Variants in TCF7L1 observed in about 807,000 individuals in gnomAD.
The protein encoded by TCF7L1 is transcription factor 7-like 1.
In TCF7L1, 18 loss-of-function variants were observed where a neutral mutation model predicts 63.7. That is an observed-to-expected ratio of 0.28 (90% CI 0.20 to 0.42). The LOEUF (loss-of-function observed/expected upper bound fraction) is 0.42, where lower values mean the gene tolerates loss of function less well. TCF7L1 is among the 10% of genes least tolerant of loss of function. The pLI is 1.00. For synonymous variants in TCF7L1, 355 were observed against 340.9 expected (o/e 1.04, Z -0.46); for missense variants, 654 against 779.3 (o/e 0.84, Z 1.91).
chr2:85,270,418 A>G (rs1181031909), intron 3 of TCF7L1, among the ~76,000 whole-genome samples: 5 of 152,164 alleles, frequency 3.3e-5, no homozygotes, highest in African/African-American at 1.2e-4. Flanking sequence ...AGATGCTTCT[A>G]TGACCTGGTT....
At chr2:85,154,963 C>T (rs985606132) in intron 3 of TCF7L1, among the ~76,000 whole-genome samples, 3 of 152,116 alleles carry the variant, frequency 2.0e-5, no homozygotes, top group Non-Finnish European at 4.4e-5. Context: ...ACTACAGGTG[C>T]GTGCCACCAT....
chr2:85,135,352 G>A (rs1174473929), intron 3 of TCF7L1, among the ~76,000 whole-genome samples: 3 of 152,156 alleles, frequency 2.0e-5, no homozygotes, highest in Non-Finnish European at 4.4e-5. Flanking sequence ...CAGATGTTGG[G>A]TGAACGCCTA....
chr2:85,140,020 T>G (rs1677686270), intron 3 of TCF7L1, among the ~76,000 whole-genome samples: 1 of 152,086 alleles, frequency 6.6e-6, no homozygotes, highest in Non-Finnish European at 1.5e-5. Context: ...TGAAAAGGGC[T>G]TCAGAGTAGC....
At chr2:85,153,619 G>A (rs1477485645) in intron 3 of TCF7L1, among the ~76,000 whole-genome samples, 4 of 151,960 alleles carry the variant, frequency 2.6e-5, no homozygotes, top group African/African-American at 9.7e-5. Context: ...GGGATTACAG[G>A]CGTGAGCCAC....
At chr2:85,162,852 T>C (rs72932658) in intron 3 of TCF7L1, among the ~76,000 whole-genome samples, 15,162 of 152,116 alleles carry the variant, frequency 0.1, 1,308 homozygotes, top group African/African-American at 0.24. Flanking sequence ...ACTGAATTGA[T>C]GTTTTAGTGA....
In TCF7L1 at chr2:85,305,147, T is replaced by C. The variant is rs182563296; in HGVS notation, c.846-113T>C. On this transcript the variant is annotated intron_variant, in intron 7 of 11. Coordinates refer to ENST00000282111, the MANE Select transcript of TCF7L1 (RefSeq NM_031283.3). Reference sequence around the variant, plus strand: ...AAATAGCCTTCTAGTCCTGAGACTCTGCCCCACGGACATGCCTGTGCCCTT... The same window carrying C: ...AAATAGCCTTCTAGTCCTGAGACTCCGCCCCACGGACATGCCTGTGCCCTT... 2.5e-4 allele frequency: 351 copies of C among 1,424,976 alleles called. 1 individual carries two copies. The African/African-American group carries it at 4.1e-3, about 16-fold the overall frequency. 88.3% of individuals were successfully genotyped at this position (1,424,976 alleles called of 1,614,324 possible). A position where few individuals can be genotyped will look rare whatever the true frequency, so the allele number is the denominator to read the frequency against.
chr2:85,270,570 C>A (rs1182455943), intron 3 of TCF7L1, among the ~76,000 whole-genome samples: 2 of 152,138 alleles, frequency 1.3e-5, no homozygotes, highest in East Asian at 1.9e-4. Context: ...GAGGTCTTAC[C>A]CACCTTTAGC....
At chr2:85,242,008 AG>A (rs1174001220) in intron 3 of TCF7L1, among the ~76,000 whole-genome samples, 2 of 69,578 alleles carry the variant, frequency 2.9e-5, no homozygotes, top group East Asian at 6.7e-4. Flanking sequence ...TTTTGGGCGG[AG>A]GGGGGCGGTG....
chr2:85,134,105 C>G lies in TCF7L1; in HGVS notation c.313+26C>G, dbSNP rs200043780. ...GTATGTGCCCGCTGGGACAGCCCCC[C>G]ACTCTCGATTCCCGCTGCGCTCCGC... On this transcript the variant is annotated intron_variant, in intron 2 of 11. Coordinates refer to ENST00000282111, the MANE Select transcript of TCF7L1 (RefSeq NM_031283.3). This position sits in a 1 kb window ranked among gnomAD's most constrained non-coding sequence, Gnocchi z 5.0. The G allele has an allele frequency of 2.8e-5, 45 of 1,605,898 alleles. No homozygotes were observed. The highest frequency in any genetic ancestry group is 3.7e-5 in the Non-Finnish European group (43 of 1,177,328).
chr2:85,182,335 A>G (rs1257599735), intron 3 of TCF7L1, among the ~76,000 whole-genome samples: 1 of 152,134 alleles, frequency 6.6e-6, no homozygotes, highest in Non-Finnish European at 1.5e-5. Flanking sequence ...GGCTTCAGAC[A>G]CCTTTAACTG....
At chr2:85,139,371 C>T (rs1677666571) in intron 3 of TCF7L1, among the ~76,000 whole-genome samples, 1 of 152,146 alleles carries the variant, frequency 6.6e-6, no homozygotes. Context: ...CTATTGGATA[C>T]CTATCATGGG....
chr2:85,188,763 C>T (rs1678984848), intron 3 of TCF7L1, among the ~76,000 whole-genome samples: 1 of 152,112 alleles, frequency 6.6e-6, no homozygotes, highest in African/African-American at 2.4e-5. Context: ...GGGTATGTAT[C>T]TCCCTGGTAT....
chr2:85,185,262 A>T (rs988653501), intron 3 of TCF7L1, among the ~76,000 whole-genome samples: 1 of 147,280 alleles, frequency 6.8e-6, no homozygotes, highest in African/African-American at 2.5e-5. Context: ...GCATCACAGC[A>T]TTTTTTTTTT....
intron 3 of TCF7L1, among the ~76,000 whole-genome samples, chr2:85,188,991 G>A (rs1678990192): frequency 6.6e-6 from 1 of 152,172 alleles, no homozygotes; most frequent in Non-Finnish European, 1.5e-5. Context: ...TTGGGGGGGT[G>A]TTTCTAAAGT....
Position 85,224,861 on chromosome 2 carries a change from A to G in TCF7L1, c.442-58634A>G, listed in dbSNP as rs548855244. Reference sequence around the variant, plus strand: ...AGTCATGAAGTCTTTGCCCATGCCTATGTCCTGAATGGTATTGCCTAGGTT... The same window carrying G: ...AGTCATGAAGTCTTTGCCCATGCCTGTGTCCTGAATGGTATTGCCTAGGTT... On this transcript the variant is annotated intron_variant, in intron 3 of 11. Transcript: ENST00000282111. Among the ~76,000 whole-genome samples the G allele has an allele frequency of 2.6e-5, 4 of 152,290 alleles. 1 individual carries two copies. Among genetic ancestry groups the G allele is most frequent in the Admixed American group, 2.6e-4 (4 of 15,294 alleles).
At chr2:85,288,728 C>T (rs1378513755) in intron 4 of TCF7L1, among the ~76,000 whole-genome samples, 2 of 152,172 alleles carry the variant, frequency 1.3e-5, no homozygotes, top group Non-Finnish European at 2.9e-5. Context: ...TCAAAACAAG[C>T]TCTAAAGACT....
intron 3 of TCF7L1, among the ~76,000 whole-genome samples, chr2:85,148,201 G>C (rs532741721): frequency 6.6e-6 from 1 of 152,148 alleles, no homozygotes; most frequent in Non-Finnish European, 1.5e-5. Context: ...GCAAAGGAGA[G>C]TTAATGCAGG....
chr2:85,267,986 C>T (rs1030817540), intron 3 of TCF7L1, among the ~76,000 whole-genome samples: 1 of 152,166 alleles, frequency 6.6e-6, no homozygotes. Flanking sequence ...TGGGGCTGAA[C>T]AGAAGAATCC....
Position 85,273,885 on chromosome 2 carries a change from A to G in TCF7L1, c.442-9610A>G, listed in dbSNP as rs147958236. Among the ~76,000 whole-genome samples, 562 of 152,278 alleles carry G rather than the reference A, an allele frequency of 3.7e-3. 1 individual carries two copies. The highest frequency in any genetic ancestry group is 0.024 in the Middle Eastern group (7 of 294). ...TGGCGTGGGTGGGTATGGGCAGGCC[A>G]GAGAACAGGCTGCAGGCTGTGAAGG... On this transcript the variant is annotated intron_variant, in intron 3 of 11. Transcript: ENST00000282111.
Sources: gnomAD v4.1 joint callset for allele counts (sites outside exome capture counted in the v4.1 genomes callset) on GRCh38, gnomAD v4.1.1 for gene constraint, Gnocchi (gnomAD v3.1) non-coding constraint, MANE v1.5 for transcripts, NCBI Gene and HGNC (gene_info 2026-07-23, HGNC 2026-07-21) for gene names.